The following CAMK2D variants were observed in gnomAD, a reference collection of about 807,000 sequenced individuals.
CAMK2D encodes calcium/calmodulin dependent protein kinase II delta.
A neutral mutation model predicts 84.0 loss-of-function variants in CAMK2D; 37 were observed. That is an observed-to-expected ratio of 0.44 (90% confidence interval 0.34 to 0.58). The LOEUF is 0.58. Ranked by LOEUF, CAMK2D falls within the 20% of genes least tolerant of loss-of-function variation. The probability of loss-of-function intolerance (pLI) is 0.02; values close to 1 mark genes in which losing one functional copy is unlikely to be tolerated. For synonymous variants in CAMK2D, 202 were observed against 212.5 expected (o/e 0.95, Z 0.43); for missense variants, 448 against 652.5 (o/e 0.69, Z 3.41).
chr4:113,644,849 G>A (rs1352401398), intron 3 of CAMK2D, among the ~76,000 whole-genome samples: 3 of 152,064 alleles, frequency 2.0e-5, no homozygotes, highest in Non-Finnish European at 4.4e-5. Context: ...AGAAAAAAAA[G>A]CATTAGGGAG....
At chr4:113,570,311 A>C (rs1462903867) in intron 4 of CAMK2D, among the ~76,000 whole-genome samples, 1 of 152,178 alleles carries the variant, frequency 6.6e-6, no homozygotes, top group Admixed American at 6.5e-5. Flanking sequence ...TGAAATACTA[A>C]AATGTGTATG....
chr4:113,674,231 T>A (rs1386970394), intron 2 of CAMK2D, among the ~76,000 whole-genome samples: 1 of 152,132 alleles, frequency 6.6e-6, no homozygotes, highest in Non-Finnish European at 1.5e-5. Flanking sequence ...GAGTGTATCA[T>A]CTTATTGATT....
At chr4:113,534,028 A>G (rs2098474368) in intron 7 of CAMK2D, among the ~76,000 whole-genome samples, 1 of 152,056 alleles carries the variant, frequency 6.6e-6, no homozygotes, top group Admixed American at 6.6e-5. Flanking sequence ...AATTATGTAA[A>G]AGCCTGAAGC....
At chr4:113,691,979 GAGA>G (rs1224099088) in intron 2 of CAMK2D, among the ~76,000 whole-genome samples, 1 of 152,136 alleles carries the variant, frequency 6.6e-6, no homozygotes, top group Non-Finnish European at 1.5e-5. Flanking sequence ...AGCAATACAT[GAGA>G]AGAAGAAAGT....
rs1001821920 is a variant in CAMK2D at position 113,753,957 on chromosome 4, C to T, written c.160+5363G>A. On this transcript the variant is annotated intron_variant, in intron 2 of 20. Coordinates refer to ENST00000511664, the MANE Select transcript of CAMK2D (RefSeq NM_001321571.2). ...TTCATGCTTGAATTGTAATGCCATT[C>T]ATGTCTTCTATTATGTTTATTTAGG... 1.5e-5 allele frequency: 15 copies of T among 979,246 alleles called. No individual in the cohort carries two copies. In the Admixed American group the frequency reaches 7.4e-4, roughly 48 times the overall value. 60.7% of individuals were successfully genotyped at this position (979,246 alleles called of 1,614,324 possible). A position where few individuals can be genotyped will look rare whatever the true frequency, so the allele number is the denominator to read the frequency against.
chr4:113,646,451 T>C (rs1245943305), intron 3 of CAMK2D, among the ~76,000 whole-genome samples: 1 of 152,118 alleles, frequency 6.6e-6, no homozygotes, highest in Non-Finnish European at 1.5e-5. Flanking sequence ...GCAAGAAGGA[T>C]GCTAGGGAGT....
intron 2 of CAMK2D, among the ~76,000 whole-genome samples, chr4:113,740,717 C>T (rs1434058354): frequency 6.6e-6 from 1 of 152,054 alleles, no homozygotes; most frequent in Non-Finnish European, 1.5e-5. Flanking sequence ...TTCCCTCACA[C>T]CTCACAACCT....
chr4:113,647,347 T>C (rs1170313854), intron 3 of CAMK2D, among the ~76,000 whole-genome samples: 2 of 152,264 alleles, frequency 1.3e-5, no homozygotes, highest in Non-Finnish European at 2.9e-5. Context: ...CAGTTTATTT[T>C]CTTTAATAGA....
At chr4:113,616,098 CA>C (rs1352095016) in intron 3 of CAMK2D, among the ~76,000 whole-genome samples, 2 of 151,768 alleles carry the variant, frequency 1.3e-5, no homozygotes, top group Non-Finnish European at 1.5e-5. Context: ...CCTGTAATGA[CA>C]AAAAATCTAC....
chr4:113,588,608 T>C (rs1218610835), intron 4 of CAMK2D, among the ~76,000 whole-genome samples: 1 of 152,218 alleles, frequency 6.6e-6, no homozygotes, highest in Non-Finnish European at 1.5e-5. Context: ...GGCACCATTA[T>C]GTAACCAAAG....
At chr4:113,507,126 G>GA (rs1405831562) in intron 13 of CAMK2D, among the ~76,000 whole-genome samples, 4 of 152,094 alleles carry the variant, frequency 2.6e-5, no homozygotes, top group East Asian at 1.9e-4. Context: ...TTTTCCTATG[G>GA]AAAATCTTTT....
chr4:113,502,861 G>C (rs780577770), intron 15 of CAMK2D, 75 bp downstream of exon 15: 1 of 1,030,616 alleles, frequency 9.7e-7, no homozygotes, highest in Admixed American at 1.8e-5. Context: ...TTTAGATAAC[G>C]AATTAATTTT....
Position 113,485,926 on chromosome 4 carries a change from C to T in CAMK2D, c.1135+14537G>A, listed in dbSNP as rs113306243. On this transcript the variant is annotated intron_variant, in intron 16 of 20. Coordinates refer to ENST00000511664, the MANE Select transcript of CAMK2D (RefSeq NM_001321571.2). ...GTGCCTTCTATTGGTAATGTTTCTC[C>T]TCTCGCACCTTCTTCACCTGGTTAA... is the stretch of plus-strand genomic sequence containing the variant. Among the ~76,000 whole-genome samples, 633 of 152,266 alleles carry T rather than the reference C, an allele frequency of 4.2e-3. 1 individual carries two copies. Among genetic ancestry groups the T allele is most frequent in the African/African-American group, 0.014 (580 of 41,542 alleles).
At chr4:113,549,913 T>C (rs1299963674) in intron 5 of CAMK2D, among the ~76,000 whole-genome samples, 2 of 152,236 alleles carry the variant, frequency 1.3e-5, no homozygotes, top group East Asian at 3.8e-4. Flanking sequence ...GTTGACTACA[T>C]TGTTTATTTG....
At chr4:113,524,603 G>A (rs2098402478) in intron 8 of CAMK2D, among the ~76,000 whole-genome samples, 1 of 152,124 alleles carries the variant, frequency 6.6e-6, no homozygotes, top group Non-Finnish European at 1.5e-5. Flanking sequence ...TATGATCATA[G>A]GTGTACACAT....
intron 4 of CAMK2D, among the ~76,000 whole-genome samples, chr4:113,558,908 C>T (rs752538939): frequency 2.6e-5 from 4 of 151,882 alleles, no homozygotes; most frequent in South Asian, 2.1e-4. Flanking sequence ...CTTGAGCCTG[C>T]GAGGCTGAGG....
intron 5 of CAMK2D, 92 bp from the exon 6 acceptor site, chr4:113,547,808 A>G (rs1034106558): frequency 3.3e-5 from 23 of 707,470 alleles, no homozygotes; most frequent in Non-Finnish European, 4.8e-5. Context: ...GTGCAGAGCT[A>G]GCAGACAACT....
intron 4 of CAMK2D, among the ~76,000 whole-genome samples, chr4:113,569,431 C>A (rs1012689547): frequency 6.6e-6 from 1 of 152,106 alleles, no homozygotes; most frequent in Admixed American, 6.6e-5. Flanking sequence ...AAGGGTCCAA[C>A]TTTTAAATTT....
chr4:113,634,647 G>A (rs1262651802), intron 3 of CAMK2D, among the ~76,000 whole-genome samples: 1 of 152,166 alleles, frequency 6.6e-6, no homozygotes, highest in Non-Finnish European at 1.5e-5. Context: ...ATATGACATT[G>A]AGGTAGAATT....
Sources: allele counts gnomAD v4.1 joint callset (sites outside exome capture counted in the v4.1 genomes callset), GRCh38; gene constraint gnomAD v4.1.1; transcripts MANE v1.5; gene names NCBI Gene and HGNC (gene_info 2026-07-23, HGNC 2026-07-21).